Variants in PLBD1 observed in about 807,000 individuals in gnomAD.
The protein encoded by PLBD1 is phospholipase B domain containing 1, also known as lysosomal leucine aminopeptidase.
Under a neutral mutation model 63.0 loss-of-function variants are expected in PLBD1, and 60 were observed. That is an observed-to-expected ratio of 0.95 (90% CI 0.77 to 1.18). The LOEUF is 1.18. Ranked by LOEUF, PLBD1 falls within the 50% of genes most tolerant of loss-of-function variation. The pLI, the probability that PLBD1 is intolerant of heterozygous loss-of-function variation, is 0.00. For missense variants in PLBD1, 598 were observed against 677.9 expected (o/e 0.88, Z 1.31); for synonymous variants, 262 against 248.0 (o/e 1.06, Z -0.53).
At chr12:14,550,252 C>A (rs1288664364) in intron 2 of PLBD1, among the ~76,000 whole-genome samples, 1 of 152,176 alleles carries the variant, frequency 6.6e-6, no homozygotes, top group Admixed American at 6.5e-5. Flanking sequence ...AGTGAACCAG[C>A]TTTTCCTTAA....
chr12:14,545,739 G>A (rs1015899546), intron 2 of PLBD1, among the ~76,000 whole-genome samples: 1 of 152,128 alleles, frequency 6.6e-6, no homozygotes, highest in Non-Finnish European at 1.5e-5. Flanking sequence ...TATTGCTGGT[G>A]AAGTACACGA....
chr12:14,562,557 C>T (rs1334235165), intron 1 of PLBD1, among the ~76,000 whole-genome samples: 1 of 151,342 alleles, frequency 6.6e-6, no homozygotes, highest in Admixed American at 6.6e-5. Context: ...CATAATTTCA[C>T]TACCTCTATT....
At chr12:14,566,541 C>T (rs1945783780) in intron 1 of PLBD1, among the ~76,000 whole-genome samples, 1 of 152,128 alleles carries the variant, frequency 6.6e-6, no homozygotes, top group African/African-American at 2.4e-5. Context: ...TCTTCACCTC[C>T]TTAGGAACGG....
intron 8 of PLBD1, among the ~76,000 whole-genome samples, chr12:14,510,435 T>C (rs982244497): frequency 6.6e-6 from 1 of 152,204 alleles, no homozygotes; most frequent in Non-Finnish European, 1.5e-5. Flanking sequence ...TAAAAGTTTC[T>C]TTCTGGTAGT....
chr12:14,535,779 G>C lies in PLBD1; in HGVS notation c.724C>G (p.Leu242Val), dbSNP rs151221007. ...GTGTACCAGCTTGAGTGAGCAAAAA[G>C]GATGTTCTCAAATCCAGGAAGAACC... ...IKVLPGFENI[L>V]FAHSSWYTYA... The change falls in exon 6 of 11, where the codon CTT (leucine) becomes GTT (valine). Residue 242 changes from leucine to valine, a missense_variant. By Grantham distance (32) the Leu-to-Val change is conservative (BLOSUM62 1). Coordinates refer to ENST00000240617, the MANE Select transcript of PLBD1 (RefSeq NM_024829.6). 2 of 1,613,766 alleles carry C rather than the reference G, an allele frequency of 1.2e-6. No homozygotes were observed. The highest frequency in any genetic ancestry group is 2.7e-5 in the African/African-American group (2 of 74,916).
At chr12:14,562,459 CAAAAAAAAAAA>C (rs58838197) in intron 1 of PLBD1, among the ~76,000 whole-genome samples, 1 of 102,030 alleles carries the variant, frequency 9.8e-6, no homozygotes, top group Non-Finnish European at 1.8e-5. Context: ...GACTCCCTCT[CAAAAAAAAAAA>C]AAAAAAAAAG....
chr12:14,504,083 C>T, intron 10 of PLBD1, 129 bp from the exon 11 acceptor site: 1 of 867,240 alleles, frequency 1.2e-6, no homozygotes, highest in African/African-American at 1.7e-5. Context: ...GAGTTTCGCT[C>T]TTGTTGCCCA....
intron 5 of PLBD1, among the ~76,000 whole-genome samples, 178 bp downstream of exon 5, chr12:14,536,392 C>T (rs143133840): frequency 9.3e-4 from 141 of 152,284 alleles, no homozygotes; most frequent in African/African-American, 3.1e-3. Context: ...GATGTAACAT[C>T]GTGTACTTAC....
intron 6 of PLBD1, among the ~76,000 whole-genome samples, chr12:14,520,539 CA>C (rs367625410): frequency 1.6e-4 from 24 of 145,564 alleles, no homozygotes; most frequent in Middle Eastern, 3.4e-3. Context: ...CATTTCCCTA[CA>C]AAAAAAAAGG....
At chr12:14,528,553 C>T (rs942573699) in intron 6 of PLBD1, among the ~76,000 whole-genome samples, 14 of 152,022 alleles carry the variant, frequency 9.2e-5, no homozygotes, top group Admixed American at 6.6e-4. Context: ...AAAATGAACA[C>T]AAAATATACC....
intron 4 of PLBD1, 106 bp from the exon 5 acceptor site, chr12:14,536,816 T>C (rs1374331042): frequency 7.0e-7 from 1 of 1,426,024 alleles, no homozygotes; most frequent in African/African-American, 1.4e-5. Flanking sequence ...AGGCTGTGCA[T>C]GGTGGCTCAC....
At chr12:14,507,166 G>A (rs779103503) in intron 8 of PLBD1, 48 bp from the exon 9 acceptor site, 8 of 1,379,052 alleles carry the variant, frequency 5.8e-6, no homozygotes. Context: ...CAGGGAAGGA[G>A]ACAGAAAAGG....
intron 1 of PLBD1, among the ~76,000 whole-genome samples, chr12:14,564,319 C>T (rs11056032): frequency 0.023 from 3,570 of 152,166 alleles, 91 homozygotes; most frequent in South Asian, 0.12. Context: ...GGATATTAAA[C>T]TTTTTGACAA....
intron 4 of PLBD1, among the ~76,000 whole-genome samples, chr12:14,540,194 T>C (rs1452119972): frequency 6.9e-6 from 1 of 144,502 alleles, no homozygotes; most frequent in Non-Finnish European, 1.5e-5. Context: ...ATTATATACA[T>C]ATATACTGGC....
chr12:14,505,777 G>T (rs1180545273), intron 10 of PLBD1, among the ~76,000 whole-genome samples: 11 of 152,188 alleles, frequency 7.2e-5, no homozygotes, highest in Non-Finnish European at 2.9e-5. Context: ...TTTGGACTTT[G>T]GGCCAGTCTG....
At chr12:14,535,841 T>C (rs375504716) in intron 5 of PLBD1, 38 bp from the exon 6 acceptor site, 4 of 1,591,320 alleles carry the variant, frequency 2.5e-6, no homozygotes, top group Non-Finnish European at 3.4e-6. Context: ...CAGATGTACA[T>C]AGCTAACTGA....
intron 6 of PLBD1, among the ~76,000 whole-genome samples, chr12:14,514,083 C>T (rs577033783): frequency 3.3e-5 from 5 of 152,202 alleles, no homozygotes; most frequent in African/African-American, 1.2e-4. Context: ...CCGGCCCCAA[C>T]TAACTCTTAA....
intron 2 of PLBD1, among the ~76,000 whole-genome samples, chr12:14,550,617 C>T (rs556029528): frequency 6.6e-6 from 1 of 152,026 alleles, no homozygotes; most frequent in African/African-American, 2.4e-5. Context: ...CGGTGGCTCA[C>T]GCCTGTAACC....
In PLBD1 at chr12:14,511,489, G is replaced by A. The variant is rs768146684; in HGVS notation, c.1045+22C>T. On this transcript the variant is annotated intron_variant, in intron 7 of 10. Coordinates refer to ENST00000240617, the MANE Select transcript of PLBD1 (RefSeq NM_024829.6). ...TCAAAATATATGTCTGTGCCTAACA[G>A]TTATTCTGCAGGGTCACTTACCAGA... The A allele has an allele frequency of 4.3e-6, 7 of 1,614,156 alleles. No homozygotes were observed. The South Asian group carries it at 6.6e-5, about 15-fold the overall frequency.
Sources: gnomAD v4.1 joint callset for allele counts (sites outside exome capture counted in the v4.1 genomes callset) on GRCh38, gnomAD v4.1.1 for gene constraint, MANE v1.5 for transcripts, NCBI Gene and HGNC (gene_info 2026-07-23, HGNC 2026-07-21) for gene names.